TNRC6C: variants seen among roughly 807,000 people sequenced by gnomAD.
TNRC6C encodes the protein trinucleotide repeat containing adaptor 6C.
In TNRC6C, 20 loss-of-function variants were observed where a neutral mutation model predicts 153.7. That is an observed-to-expected ratio of 0.13 (90% CI 0.09 to 0.19). The LOEUF (loss-of-function observed/expected upper bound fraction) is 0.19. Among genes scored for constraint, TNRC6C ranks in the 10% least tolerant of loss-of-function variants. The pLI is 1.00. For missense variants in TNRC6C, 1,987 were observed against 2,172.0 expected (o/e 0.91, Z 1.69); for synonymous variants, 811 against 841.4 (o/e 0.96, Z 0.63).
intron 2 of TNRC6C, among the ~76,000 whole-genome samples, chr17:78,045,570 T>A (rs756537625): frequency 3.3e-5 from 5 of 152,224 alleles, no homozygotes; most frequent in African/African-American, 7.2e-5. Context: ...TGCAGCTGAT[T>A]GGTGACTTCA....
exon 20 of TNRC6C, chr17:78,105,066 CT>C: frequency 2.2e-6 from 1 of 444,482 alleles, no homozygotes; most frequent in Non-Finnish European, 3.7e-6. Context: ...TTCCTCGTAG[CT>C]TTTTATTTTG....
chr17:78,049,975 G>A lies in TNRC6C; in HGVS notation c.913G>A (p.Gly305Ser). 1 of 1,614,040 alleles carries A rather than the reference G, an allele frequency of 6.2e-7. No homozygotes were observed. Among genetic ancestry groups the A allele is most frequent in the Non-Finnish European group, 8.5e-7 (1 of 1,179,900 alleles). ...TGCTTGGGATTCAGGACCTCCTGCTGGTCCTGGAATACTCGCCTGGGGAAG... is the reference window on the plus strand; with the variant it reads ...TGCTTGGGATTCAGGACCTCCTGCTAGTCCTGGAATACTCGCCTGGGGAAG... Residue 305 changes from glycine to serine, a missense_variant, in exon 3 of 20, where the codon GGT becomes AGT. By Grantham distance (56) the Gly-to-Ser change is moderately conservative. Coordinates refer to ENST00000301624, the Ensembl canonical transcript of TNRC6C. This position sits in a 1 kb window ranked among gnomAD's most constrained non-coding sequence, Gnocchi z 4.1.
At chr17:77,968,343 G>GGTT (rs1221685424) in intron 1 of TNRC6C, among the ~76,000 whole-genome samples, 6 of 148,202 alleles carry the variant, frequency 4.0e-5, no homozygotes, top group Non-Finnish European at 8.9e-5. Flanking sequence ...AGATGTAGTG[G>GGTT]GTTGTTGTTG....
chr17:77,970,976 T>C (rs1178724951), intron 1 of TNRC6C, among the ~76,000 whole-genome samples: 1 of 152,070 alleles, frequency 6.6e-6, no homozygotes, highest in African/African-American at 2.4e-5. Context: ...GCCACTACAC[T>C]TTGGCATGGG....
intron 3 of TNRC6C, among the ~76,000 whole-genome samples, chr17:78,056,741 A>G (rs2072663989): frequency 1.3e-5 from 2 of 152,154 alleles, no homozygotes; most frequent in African/African-American, 2.4e-5. Context: ...CTGGAATTAC[A>G]GGCGTGAGCC....
intron 1 of TNRC6C, among the ~76,000 whole-genome samples, chr17:77,959,768 C>G (rs957522035): frequency 6.6e-6 from 1 of 152,100 alleles, no homozygotes; most frequent in Non-Finnish European, 1.5e-5. Context: ...AACGGTGCTG[C>G]GGACTGCGGA....
intron 1 of TNRC6C, among the ~76,000 whole-genome samples, chr17:78,015,922 A>G (rs1343894718): frequency 6.6e-6 from 1 of 152,212 alleles, no homozygotes; most frequent in East Asian, 1.9e-4. Context: ...AATAATAAAT[A>G]AATAAAACTC....
intron 1 of TNRC6C, among the ~76,000 whole-genome samples, chr17:77,979,523 T>C (rs917522659): frequency 2.0e-5 from 3 of 151,908 alleles, no homozygotes; most frequent in African/African-American, 7.3e-5. Context: ...ACAATATCCA[T>C]ACCAAAGCAC....
chr17:77,999,531 T>C (rs190333813), upstream of TNRC6C, among the ~76,000 whole-genome samples: 22 of 152,346 alleles, frequency 1.4e-4, no homozygotes, highest in East Asian at 3.3e-3. Flanking sequence ...GTAGCTGGCA[T>C]AATCCATCTT....
intron 4 of TNRC6C, among the ~76,000 whole-genome samples, chr17:78,065,811 A>C (rs879745290): frequency 1.6e-4 from 24 of 152,222 alleles, no homozygotes; most frequent in Non-Finnish European, 2.8e-4. Flanking sequence ...GCAAATATGC[A>C]GGTAATAAGT....
At chr17:77,980,118 G>A (rs1179537053) in intron 1 of TNRC6C, among the ~76,000 whole-genome samples, 2 of 152,170 alleles carry the variant, frequency 1.3e-5, no homozygotes, top group Admixed American at 1.3e-4. Flanking sequence ...TGGAGATGCA[G>A]GAAGGAGTAA....
intron 17 of TNRC6C, 67 bp downstream of exon 20, chr17:78,098,604 T>C (rs1369448244): frequency 1.3e-6 from 2 of 1,508,096 alleles, no homozygotes; most frequent in East Asian, 4.5e-5. Context: ...TATCACTTTG[T>C]CCTGTACCTC....
intron 5 of TNRC6C, among the ~76,000 whole-genome samples, chr17:78,070,590 T>C (rs2072974694): frequency 6.6e-6 from 1 of 152,038 alleles, no homozygotes; most frequent in Admixed American, 6.6e-5. Context: ...CTCTACCCTA[T>C]GAGCTATAAG....
intron 1 of TNRC6C, among the ~76,000 whole-genome samples, chr17:78,008,263 A>G (rs2143300295): frequency 6.6e-6 from 1 of 152,308 alleles, no homozygotes; most frequent in East Asian, 1.9e-4. Context: ...AAATTTGAAA[A>G]TTAGATTTCT....
intron 1 of TNRC6C, among the ~76,000 whole-genome samples, chr17:77,972,329 A>G (rs929238984): frequency 3.3e-5 from 5 of 152,204 alleles, no homozygotes; most frequent in African/African-American, 1.2e-4. Flanking sequence ...CCTGGCCAAC[A>G]TGGTGAAACC....
intron 17 of TNRC6C, among the ~76,000 whole-genome samples, chr17:78,100,200 G>A (rs1229978777): frequency 2.0e-5 from 3 of 152,222 alleles, no homozygotes; most frequent in Non-Finnish European, 4.4e-5. Context: ...GGGGTCTAGA[G>A]GACGGTGACC....
exon 4 of TNRC6C, chr17:78,064,792 C>A: frequency 6.2e-7 from 1 of 1,613,914 alleles, no homozygotes; most frequent in Non-Finnish European, 8.5e-7. Flanking sequence ...AACCATCCTC[C>A]CCTTCTACCC....
intron 1 of TNRC6C, among the ~76,000 whole-genome samples, chr17:77,966,676 A>G (rs1269652038): frequency 6.6e-6 from 1 of 152,210 alleles, no homozygotes; most frequent in African/African-American, 2.4e-5. Context: ...TGTGTTCTGC[A>G]GTAGAGATTT....
At chr17:78,099,475 T>C (rs2073549124) in intron 17 of TNRC6C, among the ~76,000 whole-genome samples, 1 of 152,198 alleles carries the variant, frequency 6.6e-6, no homozygotes, top group Admixed American at 6.5e-5. Flanking sequence ...ATGTCTCACA[T>C]GGCAGCAGAC....
Sources: allele counts gnomAD v4.1 joint callset (sites outside exome capture counted in the v4.1 genomes callset), GRCh38; gene constraint gnomAD v4.1.1; non-coding constraint Gnocchi (gnomAD v3.1); transcripts MANE v1.5; gene names NCBI Gene and HGNC (gene_info 2026-07-23, HGNC 2026-07-21).